KLHL3: variants seen among roughly 807,000 people sequenced by gnomAD.
The protein encoded by KLHL3 is kelch-like protein 3.
Under a neutral mutation model 70.5 loss-of-function variants are expected in KLHL3, and 19 were observed. The observed-to-expected ratio is 0.27, with a 90% CI of 0.19 to 0.40. The LOEUF is 0.40. KLHL3 is among the 10% of genes least tolerant of loss of function. KLHL3 has a pLI of 1.00. For synonymous variants in KLHL3, 258 were observed against 290.3 expected (o/e 0.89, Z 1.13); for missense variants, 512 against 771.1 (o/e 0.66, Z 3.98).
At chr5:137,728,506 C>A (rs116781223) in intron 1 of KLHL3, among the ~76,000 whole-genome samples, 152 of 152,250 alleles carry the variant, frequency 1.0e-3, no homozygotes, top group African/African-American at 3.5e-3. Flanking sequence ...TCTTAGGCAG[C>A]CCAGTCCCCT....
chr5:137,646,154 T>A (rs1343415373), intron 8 of KLHL3, among the ~76,000 whole-genome samples: 1 of 152,080 alleles, frequency 6.6e-6, no homozygotes, highest in African/African-American at 2.4e-5. Context: ...CTAAAAAAGA[T>A]ATATGAATGA....
At chr5:137,733,170 A>G (rs909341518) in intron 1 of KLHL3, among the ~76,000 whole-genome samples, 6 of 152,186 alleles carry the variant, frequency 3.9e-5, no homozygotes, top group Admixed American at 6.5e-5. Flanking sequence ...TAGGCGAGTC[A>G]CTCAGCTTCT....
intron 1 of KLHL3, among the ~76,000 whole-genome samples, chr5:137,721,716 G>A (rs1413506630): frequency 6.6e-6 from 1 of 152,196 alleles, no homozygotes; most frequent in Non-Finnish European, 1.5e-5. Flanking sequence ...TGAAGCAGGA[G>A]GACTGCTTGT....
At chr5:137,717,414 C>T (rs1381317713) in intron 2 of KLHL3, among the ~76,000 whole-genome samples, 1 of 152,150 alleles carries the variant, frequency 6.6e-6, no homozygotes, top group Non-Finnish European at 1.5e-5. Flanking sequence ...CCTATAATCC[C>T]AACTACTTGG....
intron 2 of KLHL3, among the ~76,000 whole-genome samples, chr5:137,714,060 T>C (rs754040743): frequency 2.3e-5 from 3 of 129,202 alleles, no homozygotes; most frequent in South Asian, 2.6e-4. Flanking sequence ...AAACAAGATA[T>C]AGAAATAGCC....
chr5:137,715,188 C>T (rs1752870680), intron 2 of KLHL3, among the ~76,000 whole-genome samples: 1 of 152,182 alleles, frequency 6.6e-6, no homozygotes, highest in Admixed American at 6.5e-5. Flanking sequence ...GTGACTATGC[C>T]AACAGCCATT....
intron 3 of KLHL3, among the ~76,000 whole-genome samples, chr5:137,704,119 A>G (rs1580775357): frequency 6.6e-6 from 1 of 152,214 alleles, no homozygotes; most frequent in South Asian, 2.1e-4. Context: ...TAAGATTGGA[A>G]TACAGCCTGT....
At chr5:137,629,402 G>A (rs888053207) in intron 12 of KLHL3, 1 of 152,216 alleles carries the variant, frequency 6.6e-6, no homozygotes, top group Non-Finnish European at 1.5e-5. Flanking sequence ...CCATGGGCAG[G>A]CTGCATCTCA....
rs573882707 is a variant in KLHL3 at position 137,709,838 on chromosome 5, G to A, written c.153C>T (p.Asp51=). ...NELRSKQLLC[D]VMIVAEDVEI... ...CGACATCTTCTGCCACAATCATCAC[G>A]TCACACAACAGCTGTTTACTGTAAG... The change falls in exon 3 of 15, where the codon GAC becomes GAT. Residue 51 remains aspartate (D), a synonymous_variant. Transcript: ENST00000309755. The A allele has an allele frequency of 1.5e-4, 249 of 1,614,022 alleles. 4 individuals carry two copies. The South Asian group carries it at 2.4e-3, about 16-fold the overall frequency.
At chr5:137,676,792 G>A (rs1751893775) in intron 6 of KLHL3, among the ~76,000 whole-genome samples, 1 of 152,166 alleles carries the variant, frequency 6.6e-6, no homozygotes, top group South Asian at 2.1e-4. Context: ...GGACCTGCTG[G>A]CCAACACTGA....
chr5:137,677,238 G>A (rs1012267732), intron 6 of KLHL3, among the ~76,000 whole-genome samples: 2 of 152,056 alleles, frequency 1.3e-5, no homozygotes, highest in Non-Finnish European at 2.9e-5. Context: ...CCTGAGGTCA[G>A]GAGTTCAAGA....
At chr5:137,714,855 A>C (rs1752864169) in intron 2 of KLHL3, among the ~76,000 whole-genome samples, 1 of 152,250 alleles carries the variant, frequency 6.6e-6, no homozygotes, top group Non-Finnish European at 1.5e-5. Flanking sequence ...GGTTCATAAC[A>C]ATAATAAAAG....
At chr5:137,700,337 G>T (rs1265417787) in intron 3 of KLHL3, among the ~76,000 whole-genome samples, 1 of 152,150 alleles carries the variant, frequency 6.6e-6, no homozygotes, top group Admixed American at 6.5e-5. Flanking sequence ...TTTGTTTAAG[G>T]AGTTAGCCCT....
chr5:137,658,315 C>T (rs1252503093), intron 7 of KLHL3, 35 bp from the exon 8 acceptor site: 3 of 1,609,216 alleles, frequency 1.9e-6, no homozygotes, highest in Non-Finnish European at 2.6e-6. Context: ...TCCTGGAGCA[C>T]AGCTCAGCCA....
At chr5:137,642,138 T>C (rs1750927651) in intron 8 of KLHL3, among the ~76,000 whole-genome samples, 1 of 152,250 alleles carries the variant, frequency 6.6e-6, no homozygotes, top group African/African-American at 2.4e-5. Flanking sequence ...TTGCATTGTC[T>C]TTCCGGTTTT....
At chr5:137,662,593 G>A (rs1182764298) in intron 6 of KLHL3, among the ~76,000 whole-genome samples, 2 of 152,188 alleles carry the variant, frequency 1.3e-5, no homozygotes, top group East Asian at 3.8e-4. Flanking sequence ...CTTGAGGAGA[G>A]ATTTCATTTC....
intron 5 of KLHL3, among the ~76,000 whole-genome samples, chr5:137,690,076 C>T (rs571699931): frequency 6.6e-6 from 1 of 152,218 alleles, no homozygotes. Flanking sequence ...GCCTGTAATC[C>T]CAGCACTTTG....
At chr5:137,717,990 G>A (rs1019890489) in intron 2 of KLHL3, among the ~76,000 whole-genome samples, 3 of 152,174 alleles carry the variant, frequency 2.0e-5, no homozygotes, top group South Asian at 2.1e-4. Flanking sequence ...CACCAAAGGC[G>A]GCTCTATAGT....
intron 3 of KLHL3, 93 bp downstream of exon 3, chr5:137,709,657 C>T: frequency 2.0e-6 from 2 of 991,160 alleles, no homozygotes; most frequent in Non-Finnish European, 3.2e-6. Flanking sequence ...ATGGCTTTCT[C>T]TTTCCTCCCT....
Sources: gnomAD v4.1 joint callset for allele counts (sites outside exome capture counted in the v4.1 genomes callset) on GRCh38, gnomAD v4.1.1 for gene constraint, MANE v1.5 for transcripts, NCBI Gene and HGNC (gene_info 2026-07-23, HGNC 2026-07-21) for gene names.